The following ALDH1A2 variants were observed in gnomAD, a reference collection of about 807,000 sequenced individuals.
ALDH1A2 encodes retinal dehydrogenase 2.
A neutral mutation model predicts 60.3 loss-of-function variants in ALDH1A2; 27 were observed. The ratio of observed to expected loss-of-function variants is 0.45; its 90% confidence interval spans 0.33 to 0.62. The LOEUF (loss-of-function observed/expected upper bound fraction) is 0.62, where lower values mean the gene tolerates loss of function less well. Ranked by LOEUF, ALDH1A2 falls within the 20% of genes least tolerant of loss-of-function variation. The pLI is 0.02. For synonymous variants in ALDH1A2, 289 were observed against 232.4 expected, an observed-to-expected ratio of 1.24 and a Z score of -2.21; for missense variants, 581 against 643.8, an observed-to-expected ratio of 0.90 and a Z score of 1.06.
intron 4 of ALDH1A2, among the ~76,000 whole-genome samples, chr15:58,005,486 T>C (rs983446090): frequency 2.6e-5 from 4 of 152,082 alleles, no homozygotes; most frequent in Non-Finnish European, 4.4e-5. Context: ...GGTGAAGGAA[T>C]AAGAGATCAA....
At chr15:58,046,606 G>A (rs1407283103) in intron 1 of ALDH1A2, among the ~76,000 whole-genome samples, 1 of 151,936 alleles carries the variant, frequency 6.6e-6, no homozygotes, top group East Asian at 1.9e-4. Flanking sequence ...TAAACTCTCT[G>A]AGCTTTGTTT....
chr15:58,006,361 CAG>C (rs1486437797), intron 4 of ALDH1A2, among the ~76,000 whole-genome samples: 4 of 151,986 alleles, frequency 2.6e-5, no homozygotes, highest in African/African-American at 9.7e-5. Flanking sequence ...TGTTTTATGT[CAG>C]AGTAGTATTC....
At chr15:57,999,339 A>G (rs1895179488) in intron 4 of ALDH1A2, among the ~76,000 whole-genome samples, 1 of 152,122 alleles carries the variant, frequency 6.6e-6, no homozygotes, top group South Asian at 2.1e-4. Flanking sequence ...ATTTAAACAA[A>G]TTTAGAAGAA....
chr15:58,018,940 C>T (rs1895851165), intron 1 of ALDH1A2, among the ~76,000 whole-genome samples: 1 of 151,302 alleles, frequency 6.6e-6, no homozygotes, highest in African/African-American at 2.4e-5. Context: ...TCTGATGGGC[C>T]AGGAAAAAAA....
intron 1 of ALDH1A2, among the ~76,000 whole-genome samples, chr15:58,028,155 G>A (rs1432606356): frequency 6.6e-6 from 1 of 152,164 alleles, no homozygotes; most frequent in African/African-American, 2.4e-5. Context: ...AGAGAGAAAG[G>A]TAAGGTTACC....
intron 7 of ALDH1A2, chr15:57,980,500 G>A (rs753362719): frequency 3.6e-6 from 1 of 278,338 alleles, no homozygotes; most frequent in Non-Finnish European, 7.6e-6. Flanking sequence ...TCTTCTGGAA[G>A]TCAGGCTCAA....
intron 1 of ALDH1A2, among the ~76,000 whole-genome samples, chr15:58,026,588 G>C (rs1896086178): frequency 6.6e-6 from 1 of 152,156 alleles, no homozygotes; most frequent in Non-Finnish European, 1.5e-5. Flanking sequence ...GGAAGCACAA[G>C]GGGTCAGGGG....
At chr15:57,992,584 TG>T in intron 7 of ALDH1A2, 120 bp downstream of exon 7, 1 of 880,970 alleles carries the variant, frequency 1.1e-6, no homozygotes. Flanking sequence ...TTATCCTTTG[TG>T]GGCTTGGGTA....
chr15:58,000,878 G>T (rs1895243028), intron 4 of ALDH1A2, among the ~76,000 whole-genome samples: 1 of 151,664 alleles, frequency 6.6e-6, no homozygotes, highest in Admixed American at 6.6e-5. Context: ...AGTGTAAAGG[G>T]GAGTCCACGT....
chr15:57,967,399 T>C (rs2899609), intron 7 of ALDH1A2, among the ~76,000 whole-genome samples: 137,407 of 152,114 alleles, frequency 0.9, 62,901 homozygotes, highest in East Asian at 1. Flanking sequence ...TGTGAGAAGC[T>C]GGGGCCTCCC....
intron 7 of ALDH1A2, among the ~76,000 whole-genome samples, chr15:57,969,207 G>A (rs573598821): frequency 3.9e-5 from 6 of 152,264 alleles, no homozygotes; most frequent in African/African-American, 1.4e-4. Context: ...CTCCTACTAT[G>A]TGCCAGGTAC....
At chr15:57,992,606 T>C in intron 7 of ALDH1A2, 99 bp downstream of exon 7, 1 of 1,110,672 alleles carries the variant, frequency 9.0e-7, no homozygotes, top group Non-Finnish European at 1.4e-6. Flanking sequence ...CTCACTGCCC[T>C]TTTGGTGTCT....
intron 7 of ALDH1A2, among the ~76,000 whole-genome samples, chr15:57,986,933 G>A (rs149529117): frequency 6.6e-6 from 1 of 152,140 alleles, no homozygotes; most frequent in East Asian, 1.9e-4. Context: ...AGGATTCCAG[G>A]TGTGGGCCAC....
chr15:57,960,770 AT>A lies in ALDH1A2; in HGVS notation c.1483del (p.Met495TrpfsTer15). The A allele has an allele frequency of 6.2e-7, 1 of 1,613,518 alleles. No homozygotes were observed. Among genetic ancestry groups the A allele is most frequent in the Non-Finnish European group, 8.5e-7 (1 of 1,179,512 alleles). On this transcript the variant is annotated frameshift_variant and splice_region_variant, in exon 12 of 13. Transcript: ENST00000249750. LOFTEE classifies it high-confidence loss of function. ...AGGCATCAGCAACTTTAAGACTTAC[AT>A]TTCTCTCCCATTTCCAGACATCTTG... Reference protein sequence around the residue: ...GFKMSGNGREMGEFGLREYSE... With the variant: ...GFKMSGNGREXGEFGLREYSE...
At chr15:57,963,107 A>C (rs4646627) in intron 9 of ALDH1A2, among the ~76,000 whole-genome samples, 1 of 151,928 alleles carries the variant, frequency 6.6e-6, no homozygotes, top group Non-Finnish European at 1.5e-5. Flanking sequence ...ACAAGCTACA[A>C]GGGATCTGTC....
chr15:58,009,831 G>A (rs531772535), intron 4 of ALDH1A2, among the ~76,000 whole-genome samples: 1 of 152,170 alleles, frequency 6.6e-6, no homozygotes, highest in East Asian at 1.9e-4. Context: ...GTAAACTGAA[G>A]ATGTTTGTAA....
intron 7 of ALDH1A2, among the ~76,000 whole-genome samples, chr15:57,992,124 A>G (rs538545975): frequency 1.3e-5 from 2 of 152,336 alleles, no homozygotes; most frequent in South Asian, 2.1e-4. Context: ...GTCTATAAAT[A>G]AACTTTAATT....
In ALDH1A2 at chr15:58,006,484, A is replaced by C. The variant is rs192416303; in HGVS notation, c.493+4165T>G. ...TGTACTGCTATAGACATGCATGTGCATGTGTCTTTTTCATATAATGAATTA... is the reference window on the plus strand; with the variant it reads ...TGTACTGCTATAGACATGCATGTGCCTGTGTCTTTTTCATATAATGAATTA... On this transcript the variant is annotated intron_variant, in intron 4 of 12. Coordinates refer to ENST00000249750, the MANE Select transcript of ALDH1A2 (RefSeq NM_003888.4). 3.1e-3 allele frequency among the ~76,000 whole-genome samples: 465 copies of C among 152,012 alleles called. 3 individuals carry two copies. The highest frequency in any genetic ancestry group is 0.011 in the African/African-American group (445 of 41,500).
chr15:57,962,069 G>A lies in ALDH1A2; in HGVS notation c.1194C>T (p.Phe398=), dbSNP rs369720079. 4 of 1,614,030 alleles carry A rather than the reference G, an allele frequency of 2.5e-6. No individual in the cohort carries two copies. In the African/African-American group the frequency reaches 4.0e-5, roughly 16 times the overall value. ...GGKGLGRKGF[F]IEPTVFSNVT... ...CGTTGGAAAACACTGTGGGCTCAAT[G>A]AAAAACCCCTTTCGGCCCAGTCCTT... The change falls in exon 10 of 13, where the codon TTC becomes TTT. Residue 398 remains phenylalanine, a synonymous_variant. Coordinates refer to ENST00000249750, the MANE Select transcript of ALDH1A2 (RefSeq NM_003888.4).
Sources: allele counts gnomAD v4.1 joint callset (sites outside exome capture counted in the v4.1 genomes callset), GRCh38; gene constraint gnomAD v4.1.1; transcripts MANE v1.5; gene names NCBI Gene and HGNC (gene_info 2026-07-23, HGNC 2026-07-21).